SPTA1: variants seen among roughly 807,000 people sequenced by gnomAD.
SPTA1 encodes the protein spectrin alpha chain, erythrocytic 1.
SPTA1 carries 177 observed loss-of-function variants against 324.7 expected under a neutral mutation model. The observed-to-expected ratio is 0.55, with a 90% CI of 0.48 to 0.62. The LOEUF is 0.62. Among genes scored for constraint, SPTA1 ranks in the 20% least tolerant of loss-of-function variants. The pLI, the probability that SPTA1 is intolerant of heterozygous loss-of-function variation, is 0.00. For missense variants in SPTA1, 3,162 were observed against 2,883.6 expected (o/e 1.10, Z -2.21); for synonymous variants, 1,195 against 1,041.3 (o/e 1.15, Z -2.84).
At chr1:158,663,240 A>C (rs945527749) in intron 16 of SPTA1, among the ~76,000 whole-genome samples, 2 of 152,230 alleles carry the variant, frequency 1.3e-5, no homozygotes, top group East Asian at 1.9e-4. Context: ...TTGATTGTTT[A>C]AGAGTATTGA....
At chr1:158,683,530 A>T (rs761838928) in intron 2 of SPTA1, 34 bp from the exon 3 acceptor site, 7 of 1,611,728 alleles carry the variant, frequency 4.3e-6, no homozygotes, top group Non-Finnish European at 2.5e-6. Context: ...TTGTCTAATG[A>T]AGCACAGTCT....
At position 158,648,511 on chromosome 1, in the gene SPTA1, T is replaced by C; in HGVS notation, c.3712A>G (p.Lys1238Glu). Residue 1238 changes from lysine (K) to glutamate (E), a missense_variant and splice_region_variant, in exon 26 of 52, where the codon AAG (lysine) becomes GAG (glutamate). Lys to Glu is a moderately conservative substitution (Grantham distance 56, BLOSUM62 1). Coordinates refer to ENST00000643759, the MANE Select transcript of SPTA1 (RefSeq NM_003126.4). The stretch of plus-strand genomic sequence containing the variant: ...AAGCTTTGAAGGACTTGTCTCACCT[T>C]ATCTCCCAGGGGTACGAGGTCCCTT... ...FERDLVPLGD[K>E]VTILGETAER... 1 of 1,613,876 alleles carries C rather than the reference T, an allele frequency of 6.2e-7. No individual in the cohort carries two copies. The highest frequency in any genetic ancestry group is 8.5e-7 in the Non-Finnish European group (1 of 1,179,866).
chr1:158,665,061 T>C (rs7556205), intron 16 of SPTA1, among the ~76,000 whole-genome samples: 11,686 of 152,236 alleles, frequency 0.077, 1,534 homozygotes, highest in African/African-American at 0.26. Flanking sequence ...TTTCTTTGCC[T>C]CTACCCACAT....
At chr1:158,616,749 T>C (rs1034680466) in intron 47 of SPTA1, among the ~76,000 whole-genome samples, 9 of 152,230 alleles carry the variant, frequency 5.9e-5, no homozygotes, top group Non-Finnish European at 1.2e-4. Flanking sequence ...TTTGATATAT[T>C]AATTTCCCTT....
At chr1:158,614,835 G>A in intron 48 of SPTA1, 1 of 205,076 alleles carries the variant, frequency 4.9e-6, no homozygotes, top group Non-Finnish European at 9.9e-6. Context: ...ATGAGTTTCT[G>A]CCCTTCTGCT....
intron 35 of SPTA1, 37 bp from the exon 36 acceptor site, chr1:158,638,278 A>G: frequency 6.3e-7 from 1 of 1,590,064 alleles, no homozygotes; most frequent in Non-Finnish European, 8.6e-7. Flanking sequence ...ATAGTATAGT[A>G]TAGGCATTAC....
intron 18 of SPTA1, 91 bp from the exon 19 acceptor site, chr1:158,657,785 G>T: frequency 7.5e-7 from 1 of 1,340,688 alleles, no homozygotes; most frequent in Non-Finnish European, 1.1e-6. Context: ...GAGAAAGGAA[G>T]TGATAAAAAT....
At position 158,619,297 on chromosome 1, in the gene SPTA1, T is replaced by A; in HGVS notation, c.6455A>T (p.Gln2152Leu). The change falls in exon 45 of 52, where the codon CAG becomes CTG. Residue 2152 changes from glutamine to leucine, a missense_variant. Physicochemically the swap from Gln to Leu is moderately radical, Grantham distance 113 (BLOSUM62 -2). Coordinates refer to ENST00000643759, the MANE Select transcript of SPTA1 (RefSeq NM_003126.4). Reference protein sequence around the residue: ...EQELQKEEARQVKNFEMCQEF... With the variant: ...EQELQKEEARLVKNFEMCQEF... Reference sequence around the variant, plus strand: ...CTGACACATCTCAAAGTTCTTGACCTGTCTTGCCTCTTCCTTTTGCAGCTC... The same window carrying A: ...CTGACACATCTCAAAGTTCTTGACCAGTCTTGCCTCTTCCTTTTGCAGCTC... 6.2e-7 allele frequency: 1 copy of A among 1,614,172 alleles called. No individual in the cohort carries two copies. Among genetic ancestry groups the A allele is most frequent in the Non-Finnish European group, 8.5e-7 (1 of 1,180,002 alleles).
At chr1:158,654,270 G>T (rs1471670738) in intron 21 of SPTA1, among the ~76,000 whole-genome samples, 1 of 152,122 alleles carries the variant, frequency 6.6e-6, no homozygotes, top group Non-Finnish European at 1.5e-5. Flanking sequence ...AGAAATACTG[G>T]CACAGAAGAG....
chr1:158,666,252 T>A, intron 16 of SPTA1, 64 bp downstream of exon 16: 2 of 1,551,912 alleles, frequency 1.3e-6, no homozygotes, highest in Non-Finnish European at 1.8e-6. Flanking sequence ...TATTACTTAA[T>A]AACGAGTGTG....
Position 158,627,125 on chromosome 1 carries a change from G to A in SPTA1, c.5665-118C>T, listed in dbSNP as rs952754486. The A allele has an allele frequency of 6.5e-5, 87 of 1,342,240 alleles. No homozygotes were observed. The African/African-American group carries it at 9.7e-4, about 15-fold the overall frequency. The allele number at this position is 1,342,240 out of a possible 1,614,324, so 83.1% of individuals were successfully genotyped here. On this transcript the variant is annotated intron_variant, in intron 40 of 51. Transcript: ENST00000643759. ...TTCAAATATATAACCAAGTGTGACC[G>A]TCTTAGTTTGTGTAAGTTTCTAGGA...
intron 1 of SPTA1, 141 bp from the exon 2 acceptor site, chr1:158,685,488 T>A (rs1300751384): frequency 1.5e-5 from 18 of 1,204,812 alleles, no homozygotes; most frequent in Non-Finnish European, 2.1e-5. Flanking sequence ...TCAGAAGAGC[T>A]GTAGTATATT....
At chr1:158,647,795 C>T in intron 26 of SPTA1, 75 bp from the exon 27 acceptor site, 2 of 1,509,570 alleles carry the variant, frequency 1.3e-6, no homozygotes, top group Non-Finnish European at 9.1e-7. Flanking sequence ...ATCCTGAGTC[C>T]CAGTATTCAG....
intron 12 of SPTA1, 78 bp from the exon 13 acceptor site, chr1:158,669,864 T>A: frequency 7.0e-7 from 1 of 1,418,596 alleles, no homozygotes; most frequent in Non-Finnish European, 9.9e-7. Context: ...GGTAGCTGTT[T>A]AAAGATGAAG....
In SPTA1 at chr1:158,611,227, A is replaced by G. The variant is rs998043428; in HGVS notation, c.*37T>C. On this transcript the variant is annotated 3_prime_UTR_variant, in exon 52 of 52. Coordinates refer to ENST00000643759, the MANE Select transcript of SPTA1 (RefSeq NM_003126.4). ...TTTGCCCCCCAGTAAATTTCCCACG[A>G]CACTAAGATTTTCTACGATCCACGA... The G allele has an allele frequency of 2.3e-5, 37 of 1,611,816 alleles. No homozygotes were observed. Among genetic ancestry groups the G allele is most frequent in the Non-Finnish European group, 3.1e-5 (36 of 1,178,684 alleles).
In SPTA1 at chr1:158,642,724, T is replaced by G. The variant is rs1049661167; in HGVS notation, c.4605+90A>C. On this transcript the variant is annotated intron_variant, in intron 32 of 51. Coordinates refer to ENST00000643759, the MANE Select transcript of SPTA1 (RefSeq NM_003126.4). ...AGAGCAGGCATGGTAGCCTCAACAGTCAGAAAGTGTTAAAGTATCAAGGGT... is the reference window on the plus strand; with the variant it reads ...AGAGCAGGCATGGTAGCCTCAACAGGCAGAAAGTGTTAAAGTATCAAGGGT... The G allele has an allele frequency of 4.7e-5, 75 of 1,605,352 alleles. No individual in the cohort carries two copies. In the Middle Eastern group the frequency reaches 6.6e-4, roughly 14 times the overall value.
Position 158,678,264 on chromosome 1 carries a change from A to G in SPTA1, c.812+137T>C, listed in dbSNP as rs7545926. 2.4e-3 allele frequency: 2,902 copies of G among 1,213,026 alleles called. 61 individuals carry two copies. The African/African-American group carries it at 0.038, about 16-fold the overall frequency. The allele number at this position is 1,213,026 out of a possible 1,614,324, so 75.1% of individuals were successfully genotyped here. ...TCTTTACCTTCTCCTTTGCTGTCCC[A>G]AAGGCAAGTACATGATCCACTTTTG... On this transcript the variant is annotated intron_variant, in intron 6 of 51. Transcript: ENST00000643759.
intron 35 of SPTA1, 52 bp from the exon 36 acceptor site, chr1:158,638,293 A>C (rs1651247926): frequency 6.4e-7 from 1 of 1,561,396 alleles, no homozygotes; most frequent in Admixed American, 1.7e-5. Flanking sequence ...CATTACTCAG[A>C]TCCCACACTT....
intron 16 of SPTA1, among the ~76,000 whole-genome samples, chr1:158,663,574 G>A (rs1216791394): frequency 1.3e-5 from 2 of 152,112 alleles, no homozygotes; most frequent in African/African-American, 2.4e-5. Context: ...ATACCTATAT[G>A]GTGAAATAGA....
Sources: gnomAD v4.1 joint callset for allele counts (sites outside exome capture counted in the v4.1 genomes callset) on GRCh38, gnomAD v4.1.1 for gene constraint, MANE v1.5 for transcripts, NCBI Gene and HGNC (gene_info 2026-07-23, HGNC 2026-07-21) for gene names.